The following DGKZ variants were observed in gnomAD, a reference collection of about 807,000 sequenced individuals.
DGKZ encodes the protein DAG kinase zeta.
In DGKZ, 45 loss-of-function variants were observed where a neutral mutation model predicts 142.5. That is an observed-to-expected ratio of 0.32 (90% CI 0.25 to 0.40). The LOEUF (loss-of-function observed/expected upper bound fraction) is 0.40. Among genes scored for constraint, DGKZ ranks in the 10% least tolerant of loss-of-function variants. DGKZ has a pLI of 1.00. For missense variants in DGKZ, 755 were observed against 1,306.5 expected (o/e 0.58, Z 6.51); for synonymous variants, 442 against 527.0 (o/e 0.84, Z 2.21).
chr11:46,340,170 G>C (rs1940207993), intron 1 of DGKZ, among the ~76,000 whole-genome samples: 1 of 152,244 alleles, frequency 6.6e-6, no homozygotes, highest in South Asian at 2.1e-4. Context: ...TTTTTACTCT[G>C]TCAGGCTTGC....
intron 20 of DGKZ, 109 bp from the exon 21 acceptor site, chr11:46,375,742 G>A (rs1378772164): frequency 6.0e-6 from 9 of 1,502,130 alleles, no homozygotes; most frequent in Admixed American, 4.0e-5. Flanking sequence ...CCCCAGGGGT[G>A]TTGGGAGTGG....
chr11:46,368,009 C>T (rs1456403483), exon 4 of DGKZ: 1 of 1,613,902 alleles, frequency 6.2e-7, no homozygotes, highest in South Asian at 1.1e-5. Flanking sequence ...CAGCAGAAGT[C>T]AGTGTCTCGA....
intron 1 of DGKZ, among the ~76,000 whole-genome samples, chr11:46,348,112 C>T (rs1795496556): frequency 6.6e-6 from 1 of 152,136 alleles, no homozygotes. Context: ...GGAGGATCGG[C>T]TCCCAACCCT....
At chr11:46,370,041 T>C in intron 6 of DGKZ, 32 bp downstream of exon 6, 1 of 1,612,706 alleles carries the variant, frequency 6.2e-7, no homozygotes, top group Non-Finnish European at 8.5e-7. Context: ...CATCGCCACC[T>C]GCACCTGCGG....
chr11:46,345,856 G>A (rs986346933), upstream of DGKZ, among the ~76,000 whole-genome samples: 1 of 152,162 alleles, frequency 6.6e-6, no homozygotes, highest in African/African-American at 2.4e-5. The surrounding 1 kb of genome is among the most constrained non-coding windows in gnomAD (Gnocchi z 4.1). Context: ...GTGTGGCACT[G>A]GATGCTGGAG....
In DGKZ at chr11:46,372,528, TTTTG is replaced by T. The variant is rs1223030575; in HGVS notation, c.1010+20_1010+23del. The T allele has an allele frequency of 6.2e-7, 1 of 1,613,934 alleles. No individual in the cohort carries two copies. The highest frequency in any genetic ancestry group is 8.5e-7 in the Non-Finnish European group (1 of 1,179,980). On this transcript the variant is annotated intron_variant, in intron 11 of 30. Coordinates refer to ENST00000527911, the Ensembl canonical transcript of DGKZ. The surrounding 1 kb of genome is among the most constrained non-coding windows in gnomAD (Gnocchi z 5.9). Reference sequence around the variant, plus strand: ...AAGGAGGCGTAAGTACTTGCCAAGGTTTTGTGGGGGACATGGGGGGGAACTTGCC... The same window carrying T: ...AAGGAGGCGTAAGTACTTGCCAAGGTTGGGGGACATGGGGGGGAACTTGCC...
Position 46,371,686 on chromosome 11 carries a change from C to T in DGKZ, c.760-18C>T, listed in dbSNP as rs1468863892. ...CAGCCTGCCCACCTCGTCACCAACACCCCTGCTTCCCTTGCAGAATACTCT... is the reference window on the plus strand; with the variant it reads ...CAGCCTGCCCACCTCGTCACCAACATCCCTGCTTCCCTTGCAGAATACTCT... On this transcript the variant is annotated intron_variant, in intron 8 of 30. Coordinates refer to ENST00000527911, the Ensembl canonical transcript of DGKZ. 1 of 1,613,954 alleles carries T rather than the reference C, an allele frequency of 6.2e-7. No individual in the cohort carries two copies. The highest frequency in any genetic ancestry group is 8.5e-7 in the Non-Finnish European group (1 of 1,179,960).
chr11:46,359,164 C>T (rs1177540531), intron 1 of DGKZ, among the ~76,000 whole-genome samples: 1 of 148,646 alleles, frequency 6.7e-6, no homozygotes, highest in Admixed American at 6.8e-5. Flanking sequence ...AAAATAAGGC[C>T]AGGTGCTGTG....
exon 23 of DGKZ, chr11:46,376,377 C>G: frequency 2.5e-6 from 4 of 1,614,128 alleles, no homozygotes; most frequent in Non-Finnish European, 2.5e-6. Context: ...AAACTGTCCC[C>G]CAAGTGGTGC....
upstream of DGKZ, among the ~76,000 whole-genome samples, chr11:46,343,020 G>T (rs1244212652): frequency 1.3e-5 from 2 of 151,996 alleles, no homozygotes; most frequent in African/African-American, 4.8e-5. Context: ...GCTACTCTGG[G>T]GGTTGAGGCA....
chr11:46,378,701 G>T (rs1379058480), intron 27 of DGKZ: 2 of 856,884 alleles, frequency 2.3e-6, no homozygotes, highest in Admixed American at 4.0e-5. Flanking sequence ...CCTAGTAGGG[G>T]CTTCCTAGCT....
rs562334771 is a variant in DGKZ at position 46,367,460 on chromosome 11, G to C, written c.270+61G>C. The C allele has an allele frequency of 1.3e-6, 2 of 1,554,410 alleles. No homozygotes were observed. Among genetic ancestry groups the C allele is most frequent in the African/African-American group, 1.4e-5 (1 of 73,616 alleles). ...TGGGCTCTTGGCCAAGGCGCAGCTG[G>C]CGGGTGGAGGCACTAAAGGCAGCTG... On this transcript the variant is annotated intron_variant, in intron 2 of 30. Coordinates refer to ENST00000527911, the Ensembl canonical transcript of DGKZ. This position sits in a 1 kb window ranked among gnomAD's most constrained non-coding sequence, Gnocchi z 4.1.
rs780839244 is a variant in DGKZ at position 46,347,612 on chromosome 11, G to A, written c.-48G>A. ...CGTGCTGAGCCCCGGCCGCCGGCCC[G>A]GCATGGGCGTCTCCCGCGGGCCCTC... On this transcript the variant is annotated 5_prime_UTR_variant, in exon 1 of 31. Transcript: ENST00000527911. This position sits in a 1 kb window ranked among gnomAD's most constrained non-coding sequence, Gnocchi z 6.4. 7 of 1,206,204 alleles carry A rather than the reference G, an allele frequency of 5.8e-6. No homozygotes were observed. In the South Asian group the frequency reaches 1.7e-4, roughly 30 times the overall value. The allele number at this position is 1,206,204 out of a possible 1,614,324, so 74.7% of individuals were successfully genotyped here.
intron 1 of DGKZ, among the ~76,000 whole-genome samples, chr11:46,363,343 T>G (rs968303668): frequency 6.6e-6 from 1 of 152,132 alleles, no homozygotes; most frequent in Non-Finnish European, 1.5e-5. Context: ...TGTGACAAAT[T>G]GTCAGCTCAG....
intron 1 of DGKZ, among the ~76,000 whole-genome samples, chr11:46,336,340 GGGCAAGAAGGCA>G (rs1940015895): frequency 6.6e-6 from 1 of 152,208 alleles, no homozygotes; most frequent in African/African-American, 2.4e-5. Context: ...GAGGGGGGAA[GGGCAAGAAGGCA>G]GGAAAGAAGG....
chr11:46,372,905 G>C lies in DGKZ; in HGVS notation c.1185+21G>C. 1 of 1,561,626 alleles carries C rather than the reference G, an allele frequency of 6.4e-7. No individual in the cohort carries two copies. Among genetic ancestry groups the C allele is most frequent in the Non-Finnish European group, 8.7e-7 (1 of 1,152,864 alleles). ...GTGGGGTAAGCACCCATAGGAGGGG[G>C]GTGCAGCTGGGGCCTCTCCAGCCAC... On this transcript the variant is annotated intron_variant, in intron 13 of 30. Transcript: ENST00000527911. The surrounding 1 kb of genome is among the most constrained non-coding windows in gnomAD (Gnocchi z 5.9).
At chr11:46,368,456 C>T in intron 4 of DGKZ, 1 of 358,108 alleles carries the variant, frequency 2.8e-6, no homozygotes, top group Non-Finnish European at 5.5e-6. Flanking sequence ...AGACCTTTCC[C>T]CAAGGGCCAT....
intron 1 of DGKZ, among the ~76,000 whole-genome samples, chr11:46,362,507 T>A (rs1027597516): frequency 6.6e-5 from 10 of 152,024 alleles, no homozygotes; most frequent in African/African-American, 2.4e-4. Flanking sequence ...CTATGGTGGG[T>A]GTAGGCCCTG....
At chr11:46,345,479 G>C, upstream of DGKZ, 1 of 1,506,972 alleles carries the variant, frequency 6.6e-7, no homozygotes, top group Non-Finnish European at 8.9e-7. This position sits in a 1 kb window ranked among gnomAD's most constrained non-coding sequence, Gnocchi z 4.1. Context: ...GGGCCCAGTG[G>C]AGGCGCTGGG....
Sources: gnomAD v4.1 joint callset for allele counts (sites outside exome capture counted in the v4.1 genomes callset) on GRCh38, gnomAD v4.1.1 for gene constraint, Gnocchi (gnomAD v3.1) non-coding constraint, MANE v1.5 for transcripts, NCBI Gene and HGNC (gene_info 2026-07-23, HGNC 2026-07-21) for gene names.